The following PTPRG variants were observed in gnomAD, a reference collection of about 807,000 sequenced individuals.
PTPRG encodes the protein protein tyrosine phosphatase receptor type G, also known as receptor-type tyrosine-protein phosphatase gamma.
PTPRG carries 102 observed loss-of-function variants against 165.3 expected under a neutral mutation model. That is an observed-to-expected ratio of 0.62 (90% confidence interval 0.53 to 0.73). The LOEUF is 0.73. Among genes scored for constraint, PTPRG ranks in the 30% least tolerant of loss-of-function variants. The pLI, the probability that PTPRG is intolerant of heterozygous loss-of-function variation, is 0.00. For missense variants in PTPRG, 1,866 were observed against 1,861.4 expected, an observed-to-expected ratio of 1.00 and a Z score of -0.05; for synonymous variants, 675 against 669.5, an observed-to-expected ratio of 1.01 and a Z score of -0.13.
At chr3:61,680,612 A>G (rs1445831785) in intron 1 of PTPRG, among the ~76,000 whole-genome samples, 2 of 134,454 alleles carry the variant, frequency 1.5e-5, no homozygotes, top group Admixed American at 7.7e-5. Flanking sequence ...AAAAAAAAAA[A>G]TCATACAAAA....
chr3:62,030,197 G>GTT (rs11351369), intron 4 of PTPRG, among the ~76,000 whole-genome samples: 3 of 144,842 alleles, frequency 2.1e-5, no homozygotes, highest in South Asian at 2.2e-4. Flanking sequence ...TTTTCCCTGT[G>GTT]TTTTTTTTTT....
At chr3:62,142,443 G>A (rs1703967006) in intron 6 of PTPRG, among the ~76,000 whole-genome samples, 1 of 152,044 alleles carries the variant, frequency 6.6e-6, no homozygotes, top group Non-Finnish European at 1.5e-5. Context: ...CTCACTTCAG[G>A]ATCATTTTTC....
intron 1 of PTPRG, among the ~76,000 whole-genome samples, chr3:61,612,602 G>A (rs1407705335): frequency 6.6e-6 from 1 of 152,168 alleles, no homozygotes. Flanking sequence ...TCACCTTTAT[G>A]CATTCTCTAG....
At chr3:62,095,953 C>T (rs1018477191) in intron 5 of PTPRG, among the ~76,000 whole-genome samples, 6 of 152,090 alleles carry the variant, frequency 3.9e-5, no homozygotes, top group Non-Finnish European at 5.9e-5. Context: ...TTCACTAGAC[C>T]ACAAAAAGAG....
intron 5 of PTPRG, among the ~76,000 whole-genome samples, chr3:62,107,255 G>A (rs1284106103): frequency 6.6e-6 from 1 of 152,176 alleles, no homozygotes. Flanking sequence ...GATCTATATG[G>A]CAAATCACTC....
At chr3:61,650,220 G>A (rs1470239455) in intron 1 of PTPRG, among the ~76,000 whole-genome samples, 2 of 152,118 alleles carry the variant, frequency 1.3e-5, no homozygotes, top group East Asian at 1.9e-4. Flanking sequence ...TAATACATAA[G>A]GGTTACAAAA....
At chr3:61,648,447 T>G (rs1188952826) in intron 1 of PTPRG, among the ~76,000 whole-genome samples, 1 of 152,216 alleles carries the variant, frequency 6.6e-6, no homozygotes, top group African/African-American at 2.4e-5. Context: ...CTACACATTT[T>G]CACCCGAGGG....
intron 8 of PTPRG, among the ~76,000 whole-genome samples, chr3:62,188,735 A>C (rs1699726492): frequency 6.6e-6 from 1 of 152,192 alleles, no homozygotes; most frequent in African/African-American, 2.4e-5. Flanking sequence ...ATGCTTCCCC[A>C]TACAGTGTTC....
chr3:61,778,212 G>A (rs2034440800), intron 2 of PTPRG, among the ~76,000 whole-genome samples: 1 of 152,174 alleles, frequency 6.6e-6, no homozygotes, highest in African/African-American at 2.4e-5. Flanking sequence ...TATTGAAAAT[G>A]AAAGTATACT....
intron 2 of PTPRG, among the ~76,000 whole-genome samples, chr3:61,796,886 A>G (rs1332390966): frequency 6.6e-6 from 1 of 152,178 alleles, no homozygotes; most frequent in Non-Finnish European, 1.5e-5. Context: ...AACCACTCCA[A>G]AATTTTTAGA....
intron 20 of PTPRG, among the ~76,000 whole-genome samples, chr3:62,269,412 A>T (rs553452154): frequency 7.8e-4 from 118 of 152,256 alleles, no homozygotes; most frequent in African/African-American, 2.4e-3. Context: ...TTCATTTTTT[A>T]AAAAATCATC....
chr3:61,798,219 T>TA (rs2035115822), intron 2 of PTPRG, among the ~76,000 whole-genome samples: 1 of 152,176 alleles, frequency 6.6e-6, no homozygotes, highest in Admixed American at 6.5e-5. Flanking sequence ...ATATAGGAAA[T>TA]AAACACTTCA....
chr3:62,177,864 A>C (rs755648142), intron 8 of PTPRG, among the ~76,000 whole-genome samples: 1 of 152,084 alleles, frequency 6.6e-6, no homozygotes, highest in Non-Finnish European at 1.5e-5. Context: ...TACTTACCAA[A>C]GTTGAATTTT....
At chr3:62,090,684 G>A (rs554795597) in intron 5 of PTPRG, among the ~76,000 whole-genome samples, 6 of 152,222 alleles carry the variant, frequency 3.9e-5, no homozygotes, top group East Asian at 3.9e-4. Context: ...TGATATTTAC[G>A]GACTCTGCTC....
intron 5 of PTPRG, among the ~76,000 whole-genome samples, chr3:62,105,080 G>A (rs1702425564): frequency 6.6e-6 from 1 of 152,160 alleles, no homozygotes; most frequent in Non-Finnish European, 1.5e-5. Context: ...TAAAAGAACT[G>A]TGGTCATTTT....
At chr3:61,574,029 C>CTT (rs750431381) in intron 1 of PTPRG, among the ~76,000 whole-genome samples, 2 of 144,914 alleles carry the variant, frequency 1.4e-5, no homozygotes, top group African/African-American at 2.5e-5. Flanking sequence ...GGTAGTAAAC[C>CTT]TTTTTTTTTT....
chr3:61,789,741 A>T (rs1444870019), intron 2 of PTPRG, among the ~76,000 whole-genome samples: 1 of 152,204 alleles, frequency 6.6e-6, no homozygotes, highest in Admixed American at 6.5e-5. Flanking sequence ...GTGTTTGTAT[A>T]TGGTAATGGA....
At chr3:61,960,202 G>C (rs1386094314) in intron 2 of PTPRG, among the ~76,000 whole-genome samples, 1 of 151,602 alleles carries the variant, frequency 6.6e-6, no homozygotes, top group Non-Finnish European at 1.5e-5. Flanking sequence ...ACCCCTGAAG[G>C]CTGTTCTGCC....
At position 62,273,163 on chromosome 3, in the gene PTPRG, A is replaced by G; in HGVS notation, c.3318+82A>G. The G allele has an allele frequency of 7.1e-7, 1 of 1,411,324 alleles. No individual in the cohort carries two copies. The highest frequency in any genetic ancestry group is 9.5e-7 in the Non-Finnish European group (1 of 1,050,574). 87.4% of individuals were successfully genotyped at this position (1,411,324 alleles called of 1,614,324 possible). On this transcript the variant is annotated intron_variant, in intron 22 of 29. Transcript: ENST00000474889. The surrounding 1 kb of genome is among the most constrained non-coding windows in gnomAD (Gnocchi z 4.1). Reference sequence around the variant, plus strand: ...TTGTTAAATGATAATGAAGAGACAGATTCATTCTTTTAGGGCTTGCAGTAA... The same window carrying G: ...TTGTTAAATGATAATGAAGAGACAGGTTCATTCTTTTAGGGCTTGCAGTAA...
Sources: allele counts gnomAD v4.1 joint callset (sites outside exome capture counted in the v4.1 genomes callset), GRCh38; gene constraint gnomAD v4.1.1; non-coding constraint Gnocchi (gnomAD v3.1); transcripts MANE v1.5; gene names NCBI Gene and HGNC (gene_info 2026-07-23, HGNC 2026-07-21).